BPHL: variants seen among roughly 807,000 people sequenced by gnomAD.
The protein encoded by BPHL is serine hydrolase BPHL.
BPHL carries 27 observed loss-of-function variants against 31.2 expected under a neutral mutation model. The ratio of observed to expected loss-of-function variants is 0.87; its 90% CI spans 0.64 to 1.19. The LOEUF (loss-of-function observed/expected upper bound fraction) is 1.19, where lower values mean the gene tolerates loss of function less well. Among genes scored for constraint, BPHL ranks in the 50% most tolerant of loss-of-function variants. The pLI is 0.00. For missense variants in BPHL, 356 were observed against 375.7 expected, an observed-to-expected ratio of 0.95 and a Z score of 0.43; for synonymous variants, 150 against 146.8, an observed-to-expected ratio of 1.02 and a Z score of -0.16.
At chr6:3,139,071 G>A (rs1762094191) in intron 5 of BPHL, 1 of 152,216 alleles carries the variant, frequency 6.6e-6, no homozygotes, top group Non-Finnish European at 1.5e-5. Flanking sequence ...AGTTCTGCCT[G>A]TGTCCCCGGC....
chr6:3,138,027 T>C (rs1351440035), intron 5 of BPHL: 5 of 1,271,284 alleles, frequency 3.9e-6, no homozygotes, highest in Admixed American at 2.3e-5. Flanking sequence ...TGTCTCCTAT[T>C]CTTTTTTTTT....
At chr6:3,124,608 T>G (rs150801355) in intron 2 of BPHL, among the ~76,000 whole-genome samples, 1 of 152,192 alleles carries the variant, frequency 6.6e-6, no homozygotes, top group African/African-American at 2.4e-5. Context: ...CCATATCTCA[T>G]GCAATGTAAA....
chr6:3,134,878 A>T (rs1761970114), intron 4 of BPHL, among the ~76,000 whole-genome samples: 1 of 152,064 alleles, frequency 6.6e-6, no homozygotes, highest in Admixed American at 6.5e-5. Flanking sequence ...CTGGGATTAC[A>T]GGCATGAACC....
Position 3,152,673 on chromosome 6 carries a change from T to G in BPHL, c.*98T>G. 9.6e-7 allele frequency: 1 copy of G among 1,045,380 alleles called. No individual in the cohort carries two copies. The highest frequency in any genetic ancestry group is 1.4e-6 in the Non-Finnish European group (1 of 700,840). 64.8% of individuals were successfully genotyped at this position (1,045,380 alleles called of 1,614,324 possible). A position where few individuals can be genotyped will look rare whatever the true frequency, so the allele number is the denominator to read the frequency against. On this transcript the variant is annotated 3_prime_UTR_variant, in exon 7 of 7. Transcript: ENST00000380379. ...TTTGAAACTCTCCGCCTTTGAAACT[T>G]TCTACCCCTCCCTTCAATCTTATCC...
chr6:3,135,979 C>T (rs1366060659), intron 4 of BPHL, among the ~76,000 whole-genome samples: 1 of 152,220 alleles, frequency 6.6e-6, no homozygotes, highest in Non-Finnish European at 1.5e-5. Context: ...ACTGCGTCTC[C>T]ACCCAGAGCA....
intron 3 of BPHL, 23 bp downstream of exon 3, chr6:3,127,431 A>AG (rs775687682): frequency 1.3e-6 from 2 of 1,510,198 alleles, no homozygotes; most frequent in Non-Finnish European, 8.9e-7. Flanking sequence ...GGGAAGGGCC[A>AG]GGGGAGGAAG....
chr6:3,129,818 T>G (rs1283455413), intron 4 of BPHL, among the ~76,000 whole-genome samples: 1 of 151,760 alleles, frequency 6.6e-6, no homozygotes, highest in East Asian at 1.9e-4. Flanking sequence ...TTTTTTTTTT[T>G]TTTTTGAGTT....
rs1179528708 is a variant in BPHL at position 3,153,421 on chromosome 6, T to C, written c.*846T>C. On this transcript the variant is annotated 3_prime_UTR_variant, in exon 7 of 7. Transcript: ENST00000380379. Reference sequence around the variant, plus strand: ...GCTTTACCCCATATCCCTCTCCTGGTTCACTTTTGAGAGATGAATACTTTG... The same window carrying C: ...GCTTTACCCCATATCCCTCTCCTGGCTCACTTTTGAGAGATGAATACTTTG... The C allele has an allele frequency of 4.3e-6, 1 of 233,764 alleles. No homozygotes were observed. Among genetic ancestry groups the C allele is most frequent in the Non-Finnish European group, 8.4e-6 (1 of 119,146 alleles). The allele number at this position is 233,764 out of a possible 1,614,324, so 14.5% of individuals were successfully genotyped here.
chr6:3,153,539 C>T lies in BPHL; in HGVS notation c.*964C>T, dbSNP rs116677537. ...TTAAAACACTAAAGCAGAAATCCTA[C>T]ATTGCTATTAAAATTAAACTTTGAT... On this transcript the variant is annotated 3_prime_UTR_variant, in exon 7 of 7. Transcript: ENST00000380379. The T allele has an allele frequency of 1.8e-3, 804 of 452,158 alleles. No homozygotes were observed. The highest frequency in any genetic ancestry group is 2.7e-3 in the Non-Finnish European group (673 of 252,394). The allele number at this position is 452,158 out of a possible 1,614,324, so 28.0% of individuals were successfully genotyped here. A position where few individuals can be genotyped will look rare whatever the true frequency, so the allele number is the denominator to read the frequency against.
Position 3,129,229 on chromosome 6 carries a change from G to C in BPHL, c.532+31G>C, listed in dbSNP as rs115185697. On this transcript the variant is annotated intron_variant, in intron 4 of 6. Coordinates refer to ENST00000380379, the MANE Select transcript of BPHL (RefSeq NM_004332.4). ...TTCTGCGAAGGGGAGATGCCGGGAC[G>C]GCAGATCCTTCCCCTCTCTCCGCAT... is the stretch of plus-strand genomic sequence containing the variant. 1.2e-3 allele frequency: 1,898 copies of C among 1,522,924 alleles called. 22 individuals are homozygous for C. In the African/African-American group the frequency reaches 0.024, roughly 20 times the overall value. The allele number at this position is 1,522,924 out of a possible 1,614,324, so 94.3% of individuals were successfully genotyped here.
chr6:3,146,522 C>T (rs1171943144), intron 6 of BPHL, among the ~76,000 whole-genome samples: 4 of 13,256 alleles, frequency 3.0e-4, no homozygotes, highest in African/African-American at 1.0e-3. Context: ...TGGTGTGGGT[C>T]GGAGTGCTGG....
intron 1 of BPHL, among the ~76,000 whole-genome samples, chr6:3,120,144 G>A (rs1466988597): frequency 6.6e-6 from 1 of 151,790 alleles, no homozygotes; most frequent in Non-Finnish European, 1.5e-5. Flanking sequence ...AGCGATTCTC[G>A]TGGCCTCAGC....
chr6:3,135,985 G>A (rs532818913), intron 4 of BPHL, among the ~76,000 whole-genome samples: 17 of 152,300 alleles, frequency 1.1e-4, no homozygotes, highest in African/African-American at 4.1e-4. Flanking sequence ...TCTCCACCCA[G>A]AGCAGGCCTG....
rs202167616 is a variant in BPHL, at chr6:3,127,258, T to C, written c.228T>C (p.Asp76=). 2.4e-5 allele frequency: 37 copies of C among 1,558,914 alleles called. 1 individual carries two copies. In the African/African-American group the frequency reaches 4.8e-4, roughly 20 times the overall value. Residue 76 remains aspartate, a synonymous_variant, in exon 3 of 7, where the codon GAT becomes GAC. Transcript: ENST00000380379. ...TGTTTTTAGGAAGTGGAGAGACTGATTTTGGACCTCAGCTCAAGAACCTCA... is the reference window on the plus strand; with the variant it reads ...TGTTTTTAGGAAGTGGAGAGACTGACTTTGGACCTCAGCTCAAGAACCTCA... The part of the protein sequence containing the change: ...LPGMLGSGET[D]FGPQLKNLNK...
At chr6:3,122,290 T>TAAATAA (rs919442007) in intron 1 of BPHL, among the ~76,000 whole-genome samples, 9 of 152,066 alleles carry the variant, frequency 5.9e-5, no homozygotes, top group East Asian at 3.9e-4. Context: ...AAAAAATAAA[T>TAAATAA]AAATAAAAAT....
intron 6 of BPHL, among the ~76,000 whole-genome samples, chr6:3,142,788 G>A (rs1762216433): frequency 6.6e-6 from 1 of 152,100 alleles, no homozygotes; most frequent in Middle Eastern, 3.2e-3. Context: ...GAAATGACAG[G>A]TTTTGCACAG....
At chr6:3,120,694 A>G (rs1352879615) in intron 1 of BPHL, among the ~76,000 whole-genome samples, 1 of 152,216 alleles carries the variant, frequency 6.6e-6, no homozygotes, top group Non-Finnish European at 1.5e-5. Context: ...AAGGTGATTT[A>G]TTCCTGGGTC....
In BPHL at chr6:3,149,394, C is replaced by T. The variant is rs1488757136; in HGVS notation, c.789-3094C>T. ...CAGCAGCCCGAGGGTCCTCTAGCAGCCCACTTCAAGCCGCCACACTGCCCA... is the reference window on the plus strand; with the variant it reads ...CAGCAGCCCGAGGGTCCTCTAGCAGTCCACTTCAAGCCGCCACACTGCCCA... On this transcript the variant is annotated intron_variant, in intron 6 of 6. Coordinates refer to ENST00000380379, the MANE Select transcript of BPHL (RefSeq NM_004332.4). This position sits in a 1 kb window ranked among gnomAD's most constrained non-coding sequence, Gnocchi z 4.6. Among the ~76,000 whole-genome samples, 1 of 152,126 alleles carries T rather than the reference C, an allele frequency of 6.6e-6. No homozygotes were observed. The highest frequency in any genetic ancestry group is 6.5e-5 in the Admixed American group (1 of 15,272).
chr6:3,132,522 G>T (rs913656931), intron 4 of BPHL, among the ~76,000 whole-genome samples: 2 of 152,062 alleles, frequency 1.3e-5, no homozygotes. Context: ...ATGTTCGACT[G>T]TTGTTTTTTT....
Sources: gnomAD v4.1 joint callset for allele counts (sites outside exome capture counted in the v4.1 genomes callset) on GRCh38, gnomAD v4.1.1 for gene constraint, Gnocchi (gnomAD v3.1) non-coding constraint, MANE v1.5 for transcripts, NCBI Gene and HGNC (gene_info 2026-07-23, HGNC 2026-07-21) for gene names.